Variants in CHKA observed in about 807,000 individuals in gnomAD.
The protein encoded by CHKA is CHETK-alpha.
CHKA carries 34 observed loss-of-function variants against 60.1 expected under a neutral mutation model. The ratio of observed to expected loss-of-function variants is 0.57; its 90% CI spans 0.43 to 0.75. The LOEUF (loss-of-function observed/expected upper bound fraction) is 0.75. Ranked by LOEUF, CHKA falls within the 30% of genes least tolerant of loss-of-function variation. The pLI, the probability that CHKA is intolerant of heterozygous loss-of-function variation, is 0.00. For missense variants in CHKA, 563 were observed against 561.3 expected (o/e 1.00, Z -0.03); for synonymous variants, 217 against 223.1 (o/e 0.97, Z 0.24).
rs148163827 is a variant in CHKA, at chr11:68,085,278, C to T, written c.463-3821G>A. ...TCGCTCTGTCTCTCAGGTTGGAGTG[C>T]AGTGGCAGGAATAGGGCTCACTGCA... is the stretch of plus-strand genomic sequence containing the variant. On this transcript the variant is annotated intron_variant, in intron 2 of 11. Coordinates refer to ENST00000265689, the MANE Select transcript of CHKA (RefSeq NM_001277.3). Among the ~76,000 whole-genome samples, 7 of 152,230 alleles carry T rather than the reference C, an allele frequency of 4.6e-5. No individual in the cohort carries two copies. The East Asian group carries it at 1.3e-3, about 29-fold the overall frequency.
Position 68,120,968 on chromosome 11 carries a change from GGGCAGCGGCAGCGGCAGC to G in CHKA, c.192_209del (p.Leu65_Pro70del), listed in dbSNP as rs745705209. On this transcript the variant is annotated inframe_deletion, in exon 1 of 12. Transcript: ENST00000265689. ...CGGGCGGCTGCGGCGGCGGGGGCTG[GGGCAGCGGCAGCGGCAGC>G]GGCAGCGGCGGCGGAGGGGGCAGCG... 1.8e-6 allele frequency: 2 copies of G among 1,127,966 alleles called. No individual in the cohort carries two copies. Among genetic ancestry groups the G allele is most frequent in the Non-Finnish European group, 1.1e-6 (1 of 919,130 alleles). The allele number at this position is 1,127,966 out of a possible 1,614,324, so 69.9% of individuals were successfully genotyped here. A position where few individuals can be genotyped will look rare whatever the true frequency, so the allele number is the denominator to read the frequency against.
At chr11:68,119,267 C>T (rs1304639575) in intron 1 of CHKA, among the ~76,000 whole-genome samples, 1 of 152,102 alleles carries the variant, frequency 6.6e-6, no homozygotes, top group Non-Finnish European at 1.5e-5. Flanking sequence ...GTCAGAGGGG[C>T]TGAAGCACAA....
rs755217047 is a variant in CHKA at position 68,070,330 on chromosome 11, A to C, written c.765-37T>G. 5 of 1,376,680 alleles carry C rather than the reference A, an allele frequency of 3.6e-6. No homozygotes were observed. The South Asian group carries it at 5.8e-5, about 16-fold the overall frequency. The allele number at this position is 1,376,680 out of a possible 1,614,324, so 85.3% of individuals were successfully genotyped here. A position where few individuals can be genotyped will look rare whatever the true frequency, so the allele number is the denominator to read the frequency against. ...TTTTCAAAAAAGAACAGAACAAAGA[A>C]TCACCGATCAATTCACCAAGGCTTG... On this transcript the variant is annotated intron_variant, in intron 5 of 11. Coordinates refer to ENST00000265689, the MANE Select transcript of CHKA (RefSeq NM_001277.3).
chr11:68,060,324 A>G lies in CHKA; in HGVS notation c.1314+1629T>C, dbSNP rs188235526. On this transcript the variant is annotated intron_variant, in intron 11 of 11. Transcript: ENST00000265689. ...TGGGATTACAGGCATGGGCCACCGC[A>G]CCCGGCCAGAGTTTCATTCTTATTG... is the stretch of plus-strand genomic sequence containing the variant. Among the ~76,000 whole-genome samples the G allele has an allele frequency of 5.3e-3, 772 of 145,448 alleles. 4 individuals are homozygous for G. Among genetic ancestry groups the G allele is most frequent in the Middle Eastern group, 9.1e-3 (2 of 220 alleles).
intron 1 of CHKA, among the ~76,000 whole-genome samples, chr11:68,110,078 T>C (rs528114400): frequency 1.3e-5 from 2 of 152,118 alleles, no homozygotes; most frequent in African/African-American, 4.8e-5. Flanking sequence ...CACCCACTCA[T>C]GGTAAATAAT....
At chr11:68,071,657 G>A (rs1856623119) in intron 4 of CHKA, among the ~76,000 whole-genome samples, 1 of 152,242 alleles carries the variant, frequency 6.6e-6, no homozygotes, top group South Asian at 2.1e-4. Context: ...CCAACTCAGG[G>A]AAACCTCAGT....
At chr11:68,103,010 G>A (rs1197481500) in intron 1 of CHKA, among the ~76,000 whole-genome samples, 3 of 152,042 alleles carry the variant, frequency 2.0e-5, no homozygotes, top group Non-Finnish European at 4.4e-5. Flanking sequence ...ATGGTGGCGT[G>A]TGCCTATATT....
intron 1 of CHKA, among the ~76,000 whole-genome samples, chr11:68,117,857 TAAGC>T (rs1012375410): frequency 6.6e-6 from 1 of 152,174 alleles, no homozygotes; most frequent in African/African-American, 2.4e-5. Flanking sequence ...TTCTAGTGTC[TAAGC>T]AAGGACAGCA....
At chr11:68,105,394 A>G (rs1335986669) in intron 1 of CHKA, among the ~76,000 whole-genome samples, 1 of 151,620 alleles carries the variant, frequency 6.6e-6, no homozygotes, top group Non-Finnish European at 1.5e-5. Flanking sequence ...AGACACCTAT[A>G]GTCCCAACTA....
Position 68,083,201 on chromosome 11 carries a change from G to T in CHKA, c.463-1744C>A, listed in dbSNP as rs145018561. Among the ~76,000 whole-genome samples the T allele has an allele frequency of 2.4e-3, 362 of 152,194 alleles. 1 individual carries two copies. The highest frequency in any genetic ancestry group is 8.4e-3 in the African/African-American group (349 of 41,526). The stretch of plus-strand genomic sequence containing the variant: ...ATGAATAAATGAACACTCCGGAGTG[G>T]TATAGCACGAGGCAAGTGAGCCCAA... On this transcript the variant is annotated intron_variant, in intron 2 of 11. Coordinates refer to ENST00000265689, the MANE Select transcript of CHKA (RefSeq NM_001277.3).
intron 2 of CHKA, 123 bp downstream of exon 2, chr11:68,096,896 A>G: frequency 1.7e-6 from 1 of 598,800 alleles, no homozygotes; most frequent in Non-Finnish European, 2.8e-6. Flanking sequence ...AGTAAAAGCA[A>G]TATACTCAAA....
chr11:68,103,651 C>T (rs536109724), intron 1 of CHKA, among the ~76,000 whole-genome samples: 45 of 151,950 alleles, frequency 3.0e-4, no homozygotes, highest in Non-Finnish European at 4.9e-4. Context: ...GTGGCTCATG[C>T]GTGTAATCCC....
chr11:68,121,193 G>A lies in CHKA; in HGVS notation c.-16C>T. ...TGGTTTTCATGCCCGACAGGCGGCC[G>A]AGGAGGCGCGGGCGGCCGCAGCGCG... On this transcript the variant is annotated 5_prime_UTR_variant, in exon 1 of 12. Transcript: ENST00000265689. The A allele has an allele frequency of 1.7e-6, 2 of 1,164,128 alleles. No homozygotes were observed. The highest frequency in any genetic ancestry group is 1.7e-5 in the African/African-American group (1 of 60,246). The allele number at this position is 1,164,128 out of a possible 1,614,324, so 72.1% of individuals were successfully genotyped here.
intron 7 of CHKA, among the ~76,000 whole-genome samples, chr11:68,068,404 C>T (rs369737395): frequency 2.6e-5 from 4 of 151,634 alleles, no homozygotes; most frequent in South Asian, 2.1e-4. Context: ...AATATTCTTT[C>T]GGATTTCTTC....
chr11:68,105,752 TAAG>T (rs1361647517), intron 1 of CHKA, among the ~76,000 whole-genome samples: 2 of 151,970 alleles, frequency 1.3e-5, no homozygotes, highest in Non-Finnish European at 2.9e-5. Flanking sequence ...TAAATTAAGA[TAAG>T]AAGTTACCTA....
chr11:68,072,085 G>A (rs1277982139), intron 4 of CHKA, among the ~76,000 whole-genome samples: 5 of 152,200 alleles, frequency 3.3e-5, no homozygotes, highest in Admixed American at 3.3e-4. Context: ...AAAATCTGAA[G>A]CTAACATGCT....
In CHKA at chr11:68,120,981, G is replaced by T. The variant is rs1278966672; in HGVS notation, c.197C>A (p.Pro66Gln). 3.6e-6 allele frequency: 4 copies of T among 1,118,072 alleles called. No homozygotes were observed. Among genetic ancestry groups the T allele is most frequent in the Non-Finnish European group, 4.4e-6 (4 of 915,072 alleles). 69.3% of individuals were successfully genotyped at this position (1,118,072 alleles called of 1,614,324 possible). ...ALPPPPPLPL[P>Q]LPLPQPPPPQ... ...CGGCGGGGGCTGGGGCAGCGGCAGCGGCAGCGGCAGCGGCGGCGGAGGGGG... is the reference window on the plus strand; with the variant it reads ...CGGCGGGGGCTGGGGCAGCGGCAGCTGCAGCGGCAGCGGCGGCGGAGGGGG... Residue 66 changes from proline (P) to glutamine (Q), a missense_variant, in exon 1 of 12, where the codon CCG (proline) becomes CAG (glutamine). Transcript: ENST00000265689.
At chr11:68,081,704 C>A in intron 2 of CHKA, 1 of 406,868 alleles carries the variant, frequency 2.5e-6, no homozygotes, top group East Asian at 4.2e-5. Context: ...GATAGCTGCA[C>A]GTCTCACAGC....
At chr11:68,082,851 T>C (rs1470819153) in intron 2 of CHKA, among the ~76,000 whole-genome samples, 1 of 152,222 alleles carries the variant, frequency 6.6e-6, no homozygotes, top group Non-Finnish European at 1.5e-5. Context: ...ATATTTTCAT[T>C]TGTGTAATCT....
Sources: allele counts gnomAD v4.1 joint callset (sites outside exome capture counted in the v4.1 genomes callset), GRCh38; gene constraint gnomAD v4.1.1; transcripts MANE v1.5; gene names NCBI Gene and HGNC (gene_info 2026-07-23, HGNC 2026-07-21).